ATRN: variants seen among roughly 807,000 people sequenced by gnomAD.
ATRN encodes attractin.
A neutral mutation model predicts 178.7 loss-of-function variants in ATRN; 54 were observed. That is an observed-to-expected ratio of 0.30 (90% CI 0.24 to 0.38). The LOEUF (loss-of-function observed/expected upper bound fraction) is 0.38. ATRN is among the 10% of genes least tolerant of loss of function. ATRN has a pLI of 1.00. For missense variants in ATRN, 1,443 were observed against 1,815.1 expected (o/e 0.79, Z 3.73); for synonymous variants, 636 against 663.0 (o/e 0.96, Z 0.63).
At chr20:3,608,770 C>T (rs145486746) in intron 24 of ATRN, among the ~76,000 whole-genome samples, 194 of 152,156 alleles carry the variant, frequency 1.3e-3, no homozygotes, top group Middle Eastern at 6.8e-3. Flanking sequence ...AGTTCGAGAC[C>T]AGCCTGGCCA....
rs1444149027 is a variant in ATRN, at chr20:3,583,910, C to A, written c.2777C>A (p.Ala926Asp). Reference protein sequence around the residue: ...SVCERPANHSAKQCRTPCALR... With the variant: ...SVCERPANHSDKQCRTPCALR... ...GTTTCATTCCCAGCAAACCACAGTG[C>A]TAAGCAGTGCCGGACACCATGTGCC... Residue 926 changes from alanine (A) to aspartate (D), a missense_variant, in exon 17 of 29, where the codon GCT (alanine) becomes GAT (aspartate). Physicochemically the swap from Ala to Asp is moderately radical, Grantham distance 126 (BLOSUM62 -2). This residue lies in a region of ATRN where 212 missense variants were observed against 330.7 expected (regional missense o/e 0.64). Transcript: ENST00000262919. The A allele has an allele frequency of 1.2e-6, 2 of 1,614,034 alleles. No individual in the cohort carries two copies. Among genetic ancestry groups the A allele is most frequent in the Non-Finnish European group, 8.5e-7 (1 of 1,180,018 alleles).
chr20:3,513,707 T>C (rs1228313628), intron 1 of ATRN, among the ~76,000 whole-genome samples: 1 of 152,010 alleles, frequency 6.6e-6, no homozygotes, highest in Non-Finnish European at 1.5e-5. Context: ...TTCACCATAT[T>C]GATTCTTCTA....
chr20:3,582,303 A>G lies in ATRN; in HGVS notation c.2713A>G (p.Lys905Glu). Reference protein sequence around the residue: ...ILSEPSTRGLKAATCINPLNG... With the variant: ...ILSEPSTRGLEAATCINPLNG... ...ATCAGAACCCAGTACTCGGGGACTG[A>G]AGGCTGCAACCTGCATCAACCCACT... Residue 905 changes from lysine to glutamate, a missense_variant, in exon 16 of 29, where the codon AAG becomes GAG. Physicochemically the swap from Lys to Glu is moderately conservative, Grantham distance 56. Transcript: ENST00000262919. 1 of 1,612,512 alleles carries G rather than the reference A, an allele frequency of 6.2e-7. No homozygotes were observed. Among genetic ancestry groups the G allele is most frequent in the Middle Eastern group, 2.1e-4 (1 of 4,672 alleles).
chr20:3,485,582 A>G (rs1422016476), intron 1 of ATRN, among the ~76,000 whole-genome samples: 2 of 73,706 alleles, frequency 2.7e-5, no homozygotes, highest in African/African-American at 9.0e-5. Flanking sequence ...AGATTTTTAG[A>G]TTTGGTTTGC....
At chr20:3,512,107 A>ATATATTTTT in intron 1 of ATRN, among the ~76,000 whole-genome samples, 1 of 106,386 alleles carries the variant, frequency 9.4e-6, no homozygotes, top group African/African-American at 4.4e-5. Context: ...ATATATATAT[A>ATATATTTTT]TTTTTTTTTT....
chr20:3,579,168 A>C (rs996635420), intron 15 of ATRN, among the ~76,000 whole-genome samples: 3 of 152,110 alleles, frequency 2.0e-5, no homozygotes, highest in Admixed American at 1.3e-4. Flanking sequence ...AATAGTGCAT[A>C]AGACTGTATA....
At chr20:3,495,772 A>G (rs192064964) in intron 1 of ATRN, among the ~76,000 whole-genome samples, 1 of 152,082 alleles carries the variant, frequency 6.6e-6, no homozygotes, top group Non-Finnish European at 1.5e-5. Flanking sequence ...TAAATGAAAA[A>G]AAAAACAAAA....
intron 1 of ATRN, among the ~76,000 whole-genome samples, chr20:3,501,048 A>T (rs1198581705): frequency 1.3e-5 from 2 of 152,152 alleles, no homozygotes; most frequent in African/African-American, 2.4e-5. Context: ...AGAGGGACAT[A>T]TCCTCAAGGA....
At chr20:3,610,624 G>C (rs1010575724) in intron 24 of ATRN, among the ~76,000 whole-genome samples, 1 of 138,176 alleles carries the variant, frequency 7.2e-6, no homozygotes, top group Non-Finnish European at 1.5e-5. Flanking sequence ...CCAGGCCAAA[G>C]TGTAGTGGTG....
chr20:3,609,247 T>C (rs1483912482), intron 24 of ATRN, among the ~76,000 whole-genome samples: 1 of 152,222 alleles, frequency 6.6e-6, no homozygotes, highest in Non-Finnish European at 1.5e-5. Context: ...TTCACCTCCT[T>C]GGTTAGATTT....
chr20:3,517,986 T>C (rs977646258), intron 1 of ATRN, among the ~76,000 whole-genome samples: 2 of 152,206 alleles, frequency 1.3e-5, no homozygotes, highest in Admixed American at 6.5e-5. Context: ...TTGCTACTTA[T>C]CTATATTGAT....
At chr20:3,581,828 A>G (rs1318599951) in intron 15 of ATRN, among the ~76,000 whole-genome samples, 1 of 152,198 alleles carries the variant, frequency 6.6e-6, no homozygotes, top group Non-Finnish European at 1.5e-5. Flanking sequence ...GCCATATTGA[A>G]GTGATGATCT....
chr20:3,506,624 C>CAAA (rs1234061588), intron 1 of ATRN, among the ~76,000 whole-genome samples: 2 of 84,278 alleles, frequency 2.4e-5, no homozygotes, highest in Non-Finnish European at 2.4e-5. Flanking sequence ...GACTACATCT[C>CAAA]AAAAAAAAAA....
chr20:3,593,218 A>G (rs1409055370), intron 19 of ATRN, among the ~76,000 whole-genome samples: 1 of 152,182 alleles, frequency 6.6e-6, no homozygotes, highest in Non-Finnish European at 1.5e-5. Flanking sequence ...TTCCTCTGTG[A>G]GATCTACAGG....
chr20:3,573,860 G>T (rs1006119776), intron 12 of ATRN, among the ~76,000 whole-genome samples: 1 of 151,894 alleles, frequency 6.6e-6, no homozygotes, highest in African/African-American at 2.4e-5. Context: ...CACCTCCCAG[G>T]TTCAAGTGAT....
intron 1 of ATRN, among the ~76,000 whole-genome samples, chr20:3,512,839 T>A (rs1191963448): frequency 6.6e-6 from 1 of 152,234 alleles, no homozygotes; most frequent in African/African-American, 2.4e-5. Flanking sequence ...GGTTTTGATT[T>A]GCATTTCTCT....
Position 3,638,246 on chromosome 20 carries a change from A to G in ATRN, c.3943-582A>G, listed in dbSNP as rs1406870616. On this transcript the variant is annotated intron_variant, in intron 26 of 28. Coordinates refer to ENST00000262919, the MANE Select transcript of ATRN (RefSeq NM_139321.3). This position sits in a 1 kb window ranked among gnomAD's most constrained non-coding sequence, Gnocchi z 4.5. ...CTGTTATCTAGGTTTTAAGCCCTGC[A>G]TGCATTTGGTATTTGTCCTAATGCT... Among the ~76,000 whole-genome samples, 1 of 152,112 alleles carries G rather than the reference A, an allele frequency of 6.6e-6. No homozygotes were observed. The highest frequency in any genetic ancestry group is 1.9e-4 in the East Asian group (1 of 5,192).
intron 11 of ATRN, among the ~76,000 whole-genome samples, chr20:3,565,796 C>CA (rs10582104): frequency 0.061 from 6,093 of 99,876 alleles, 304 homozygotes; most frequent in African/African-American, 0.18. Context: ...GACTCTGTCT[C>CA]AAAAAAAAAA....
At chr20:3,516,431 C>T (rs1427126887) in intron 1 of ATRN, among the ~76,000 whole-genome samples, 1 of 152,024 alleles carries the variant, frequency 6.6e-6, no homozygotes, top group Non-Finnish European at 1.5e-5. Context: ...ATTTTGTGAA[C>T]TGAGAAAAAA....
Sources: allele counts gnomAD v4.1 joint callset (sites outside exome capture counted in the v4.1 genomes callset), GRCh38; gene constraint gnomAD v4.1.1; regional missense constraint gnomAD v4.1.1; non-coding constraint Gnocchi (gnomAD v3.1); transcripts MANE v1.5; gene names NCBI Gene and HGNC (gene_info 2026-07-23, HGNC 2026-07-21).